STARD9: variants seen among roughly 807,000 people sequenced by gnomAD.
STARD9 encodes StAR related lipid transfer domain containing 9, also known as stAR-related lipid transfer protein 9.
A neutral mutation model predicts 399.8 loss-of-function variants in STARD9; 346 were observed. The ratio of observed to expected loss-of-function variants is 0.87; its 90% CI spans 0.79 to 0.95. The LOEUF (loss-of-function observed/expected upper bound fraction) is 0.95. STARD9 is among the 40% of genes least tolerant of loss of function. The pLI, the probability that STARD9 is intolerant of heterozygous loss-of-function variation, is 0.00. For missense variants in STARD9, 5,832 were observed against 5,667.5 expected, an observed-to-expected ratio of 1.03 and a Z score of -0.93; for synonymous variants, 2,203 against 2,143.5, an observed-to-expected ratio of 1.03 and a Z score of -0.77.
intron 26 of STARD9, among the ~76,000 whole-genome samples, chr15:42,716,029 T>C (rs1026541114): frequency 6.6e-6 from 1 of 152,120 alleles, no homozygotes; most frequent in Non-Finnish European, 1.5e-5. Context: ...TCCTCCTTTA[T>C]TGTGATCAGA....
At position 42,583,392 on chromosome 15, in the gene STARD9, G is replaced by C; in HGVS notation, c.94G>C (p.Val32Leu). 6.5e-7 allele frequency: 1 copy of C among 1,537,132 alleles called. No homozygotes were observed. The highest frequency in any genetic ancestry group is 8.7e-7 in the Non-Finnish European group (1 of 1,146,764). Residue 32 changes from valine (V) to leucine (L), a missense_variant, in exon 2 of 33, where the codon GTG becomes CTG. Val to Leu is a conservative substitution (Grantham distance 32). Coordinates refer to ENST00000290607, the MANE Select transcript of STARD9 (RefSeq NM_020759.3). ...AATTATTGTGGAAGTTGATGGCAAA[G>C]TGGCAAAAATCAGGAATTTAAAGGT... ...GRIIVEVDGKVAKIRNLKVDN... is the reference protein window; with the variant it reads ...GRIIVEVDGKLAKIRNLKVDN...
chr15:42,680,539 G>A (rs1232651478), intron 20 of STARD9, among the ~76,000 whole-genome samples: 2 of 152,168 alleles, frequency 1.3e-5, no homozygotes, highest in Non-Finnish European at 2.9e-5. Flanking sequence ...GGTGGAGGTT[G>A]CAGTCAGCCA....
In STARD9 at chr15:42,694,323, T is replaced by A. The variant is rs924759682; in HGVS notation, c.12745T>A (p.Trp4249Arg). ...LAADEPVTST[W>R]KELYARQKKA... ...TGCTGATGAACCTGTGACATCCACC[T>A]GGAAGGAGCTCTATGCACGGTAAGG... is the stretch of plus-strand genomic sequence containing the variant. Residue 4249 changes from tryptophan (W) to arginine (R), a missense_variant, in exon 23 of 33, where the codon TGG (tryptophan) becomes AGG (arginine). Trp to Arg is a moderately radical substitution (Grantham distance 101, BLOSUM62 -3). Around this residue, in one of 2 missense-constraint regions of STARD9, gnomAD observed 5,828 missense variants for 5,651.1 expected, o/e 1.03. Transcript: ENST00000290607. 7 of 1,522,270 alleles carry A rather than the reference T, an allele frequency of 4.6e-6. No individual in the cohort carries two copies. Among genetic ancestry groups the A allele is most frequent in the Non-Finnish European group, 6.1e-6 (7 of 1,138,480 alleles). 94.3% of individuals were successfully genotyped at this position (1,522,270 alleles called of 1,614,324 possible).
At position 42,661,205 on chromosome 15, in the gene STARD9, C is replaced by A. The variant is rs187881047; in HGVS notation, c.750C>A (p.Asn250Lys). 2 of 1,536,560 alleles carry A rather than the reference C, an allele frequency of 1.3e-6. No homozygotes were observed. Among genetic ancestry groups the A allele is most frequent in the Non-Finnish European group, 1.7e-6 (2 of 1,146,450 alleles). The change falls in exon 10 of 33, where the codon AAC becomes AAA. Residue 250 changes from asparagine (N) to lysine (K), a missense_variant. This residue lies in a region of STARD9 where 5,828 missense variants were observed against 5,651.1 expected (regional missense o/e 1.03). Coordinates refer to ENST00000290607, the MANE Select transcript of STARD9 (RefSeq NM_020759.3). ...CTTCTGAAATGGCTAGCAAGATCAA[C>A]CTTGTGGACCTAGCAGGCAGGTAAT... ...NLPSEMASKINLVDLAGSERA... is the reference protein window; with the variant it reads ...NLPSEMASKIKLVDLAGSERA...
chr15:42,693,635 ACT>A lies in STARD9; in HGVS notation c.12058_12059del (p.Leu4020GlufsTer14), dbSNP rs1211813740. On this transcript the variant is annotated frameshift_variant, in exon 23 of 33. Coordinates refer to ENST00000290607, the MANE Select transcript of STARD9 (RefSeq NM_020759.3). LOFTEE classifies it high-confidence loss of function. ...TCCAAAGCAGACTGCTGCCACCACC[ACT>A]GAGGCACAGGAGCCAAAGGCTGGGC... The part of the protein sequence containing the change: ...GVQSRLLPPP[L>X]RHRSQRLGNS... The A allele has an allele frequency of 6.5e-7, 1 of 1,537,174 alleles. No homozygotes were observed. The highest frequency in any genetic ancestry group is 8.7e-7 in the Non-Finnish European group (1 of 1,146,890).
At chr15:42,675,129 C>G (rs2060283278) in intron 18 of STARD9, among the ~76,000 whole-genome samples, 165 bp downstream of exon 18, 1 of 152,176 alleles carries the variant, frequency 6.6e-6, no homozygotes, top group Non-Finnish European at 1.5e-5. Flanking sequence ...ATAAACAAGC[C>G]TTAATTCCAA....
intron 26 of STARD9, among the ~76,000 whole-genome samples, chr15:42,703,600 C>G (rs2061014438): frequency 6.6e-6 from 1 of 150,690 alleles, no homozygotes; most frequent in African/African-American, 2.4e-5. Context: ...GTCTTGAACT[C>G]CTGACCTCAT....
intron 4 of STARD9, among the ~76,000 whole-genome samples, chr15:42,637,198 CTGT>C (rs1245671093): frequency 6.6e-6 from 1 of 150,626 alleles, no homozygotes; most frequent in Admixed American, 6.6e-5. Flanking sequence ...TGTTTTTTTG[CTGT>C]TGTTGTTTTT....
chr15:42,596,766 G>A (rs1233480248), intron 3 of STARD9, among the ~76,000 whole-genome samples: 1 of 152,148 alleles, frequency 6.6e-6, no homozygotes, highest in Non-Finnish European at 1.5e-5. Flanking sequence ...AGCAGATAAC[G>A]GCATAAATGA....
chr15:42,616,537 A>G (rs1157368250), intron 3 of STARD9, among the ~76,000 whole-genome samples: 1 of 152,192 alleles, frequency 6.6e-6, no homozygotes, highest in Non-Finnish European at 1.5e-5. Flanking sequence ...AGTGGTTCAG[A>G]GCAAGAGCTT....
intron 9 of STARD9, among the ~76,000 whole-genome samples, chr15:42,656,492 A>G (rs1351738528): frequency 6.6e-6 from 1 of 152,120 alleles, no homozygotes; most frequent in Non-Finnish European, 1.5e-5. Context: ...ATTTACCCAG[A>G]GGAAAAGAAG....
intron 3 of STARD9, among the ~76,000 whole-genome samples, chr15:42,591,674 C>T (rs1044425099): frequency 2.4e-4 from 36 of 152,080 alleles, no homozygotes; most frequent in African/African-American, 8.2e-4. Flanking sequence ...TATTTACAGC[C>T]TCAAAAGATA....
chr15:42,665,848 G>A lies in STARD9; in HGVS notation c.1317G>A (p.Lys439=), dbSNP rs2060090654. The change falls in exon 15 of 33, where the codon AAG becomes AAA. Residue 439 remains lysine, a splice_region_variant and synonymous_variant. Transcript: ENST00000290607. ...AGCTGGTTCTCCAAAATGAATTGAA[G>A]GTGGGTGTGTTGGGTGGACTCAGTT... ...LKELVLQNEL[K]IDQLTKDWTQ... 1 of 1,536,976 alleles carries A rather than the reference G, an allele frequency of 6.5e-7. No individual in the cohort carries two copies. The highest frequency in any genetic ancestry group is 1.2e-5 in the South Asian group (1 of 84,062).
At chr15:42,577,217 G>C (rs1037964976) in intron 1 of STARD9, among the ~76,000 whole-genome samples, 4 of 151,724 alleles carry the variant, frequency 2.6e-5, no homozygotes, top group Middle Eastern at 3.4e-3. Context: ...TGAGTGGCGC[G>C]ATCTCGGCTC....
rs1458282352 is a variant in STARD9, at chr15:42,695,332, T to TG, written c.13146+13dup. The TG allele has an allele frequency of 6.6e-7, 1 of 1,524,216 alleles. No individual in the cohort carries two copies. Among genetic ancestry groups the TG allele is most frequent in the Non-Finnish European group, 8.8e-7 (1 of 1,138,762 alleles). 94.4% of individuals were successfully genotyped at this position (1,524,216 alleles called of 1,614,324 possible). Reference sequence around the variant, plus strand: ...TTTCCCAGCTATTGAAGGTGTGGAGTGGGGCATGCCTCTGATTTCAGGATA... The same window carrying TG: ...TTTCCCAGCTATTGAAGGTGTGGAGTGGGGGCATGCCTCTGATTTCAGGATA... On this transcript the variant is annotated intron_variant, in intron 25 of 32. Transcript: ENST00000290607.
chr15:42,662,365 A>G (rs1280239463), intron 10 of STARD9, among the ~76,000 whole-genome samples: 1 of 152,228 alleles, frequency 6.6e-6, no homozygotes, highest in Non-Finnish European at 1.5e-5. Context: ...TTATCAGCCA[A>G]TTGGAAGTGT....
At chr15:42,577,184 C>G (rs550166365) in intron 1 of STARD9, among the ~76,000 whole-genome samples, 23 of 151,490 alleles carry the variant, frequency 1.5e-4, no homozygotes, top group Non-Finnish European at 2.4e-4. Context: ...GATGGAGTCT[C>G]GCTCTGTCGC....
intron 3 of STARD9, among the ~76,000 whole-genome samples, chr15:42,586,956 A>G (rs1175866046): frequency 6.6e-6 from 1 of 151,958 alleles, no homozygotes; most frequent in Non-Finnish European, 1.5e-5. Context: ...CTGGGCTGAA[A>G]GTGATCTTCC....
intron 13 of STARD9, 66 bp from the exon 14 acceptor site, chr15:42,665,187 A>G: frequency 7.7e-7 from 1 of 1,296,964 alleles, no homozygotes. Flanking sequence ...GCCAATTGCA[A>G]CTAGCATTTC....
Sources: gnomAD v4.1 joint callset for allele counts (sites outside exome capture counted in the v4.1 genomes callset) on GRCh38, gnomAD v4.1.1 for gene constraint, gnomAD v4.1.1 regional missense constraint, MANE v1.5 for transcripts, NCBI Gene and HGNC (gene_info 2026-07-23, HGNC 2026-07-21) for gene names.